Variants in ANK3 observed in about 807,000 individuals in gnomAD.
ANK3 encodes the protein ankyrin 3.
ANK3 carries 57 observed loss-of-function variants against 370.9 expected under a neutral mutation model. The observed-to-expected ratio is 0.15, with a 90% confidence interval of 0.12 to 0.19. ANK3 has a LOEUF of 0.19. Ranked by LOEUF, ANK3 falls within the 10% of genes least tolerant of loss-of-function variation. ANK3 has a pLI of 1.00. For synonymous variants in ANK3, 1,929 were observed against 1,946.3 expected, an observed-to-expected ratio of 0.99 and a Z score of 0.23; for missense variants, 4,439 against 5,302.1, an observed-to-expected ratio of 0.84 and a Z score of 5.06.
At chr10:60,408,871 A>G (rs72806162) in intron 2 of ANK3, among the ~76,000 whole-genome samples, 18,229 of 151,928 alleles carry the variant, frequency 0.12, 1,170 homozygotes, top group South Asian at 0.14. Flanking sequence ...TATGAACTCA[A>G]CTCCTTCTGA....
intron 1 of ANK3, among the ~76,000 whole-genome samples, chr10:60,633,924 A>G (rs1191480485): frequency 1.3e-5 from 2 of 152,222 alleles, no homozygotes; most frequent in African/African-American, 4.8e-5. Flanking sequence ...CCTTAGAGCC[A>G]AACACAAAAG....
chr10:60,137,256 C>T (rs572035803), intron 24 of ANK3: 103 of 277,216 alleles, frequency 3.7e-4, no homozygotes, highest in African/African-American at 2.2e-3. Flanking sequence ...CACAGCACAT[C>T]ACATTACAAT....
chr10:60,667,162 TTTATA>T (rs1448365567), intron 1 of ANK3, among the ~76,000 whole-genome samples: 23 of 127,732 alleles, frequency 1.8e-4, no homozygotes, highest in African/African-American at 4.6e-4. Flanking sequence ...GTGGTAAAAC[TTTATA>T]TTATATTATA....
intron 2 of ANK3, among the ~76,000 whole-genome samples, chr10:60,415,916 G>GCTCCCCC (rs1567021998): frequency 1.2e-5 from 1 of 81,190 alleles, no homozygotes; most frequent in Non-Finnish European, 2.6e-5. Context: ...CTGAATTTGT[G>GCTCCCCC]CCCCCCACCC....
chr10:60,418,332 T>C (rs2063711397), intron 2 of ANK3, among the ~76,000 whole-genome samples: 1 of 152,152 alleles, frequency 6.6e-6, no homozygotes, highest in Non-Finnish European at 1.5e-5. Flanking sequence ...TTCCTATGTC[T>C]CGTTAGGTGG....
chr10:60,677,486 A>C (rs2079140122), intron 1 of ANK3, among the ~76,000 whole-genome samples: 1 of 132,622 alleles, frequency 7.5e-6, no homozygotes, highest in Admixed American at 7.3e-5. Flanking sequence ...CTGCAGAGAT[A>C]TAACTTTTTA....
chr10:60,284,571 A>T (rs1245938209), intron 1 of ANK3, among the ~76,000 whole-genome samples: 2 of 152,162 alleles, frequency 1.3e-5, no homozygotes, highest in Admixed American at 6.5e-5. Flanking sequence ...TTCTTAGCTC[A>T]TTCATTCATT....
chr10:60,534,028 C>A lies in ANK3; in HGVS notation c.96+81158G>T, dbSNP rs139350402. The stretch of plus-strand genomic sequence containing the variant: ...CACACCTGAGGATTTATGACACAAC[C>A]TTTTCACTACGGAAGTGATTCTCAG... On this transcript the variant is annotated intron_variant, in intron 2 of 43. Coordinates refer to the ANK3 transcript ENST00000373827. Among the ~76,000 whole-genome samples, 65 of 152,194 alleles carry A rather than the reference C, an allele frequency of 4.3e-4. No individual in the cohort carries two copies. The East Asian group carries it at 7.7e-3, about 18-fold the overall frequency.
At chr10:60,587,550 G>C (rs2077849570) in intron 2 of ANK3, among the ~76,000 whole-genome samples, 2 of 152,140 alleles carry the variant, frequency 1.3e-5, no homozygotes, top group African/African-American at 4.8e-5. Context: ...CAAGGAAGCT[G>C]TCAAAATCCA....
chr10:60,347,733 C>T (rs1018371119), intron 1 of ANK3, among the ~76,000 whole-genome samples: 5 of 152,062 alleles, frequency 3.3e-5, no homozygotes, highest in Non-Finnish European at 7.4e-5. Flanking sequence ...AGAGGTGTAC[C>T]TTAAATCAAT....
intron 1 of ANK3, among the ~76,000 whole-genome samples, chr10:60,321,509 C>A (rs1371460821): frequency 6.6e-6 from 1 of 152,066 alleles, no homozygotes; most frequent in African/African-American, 2.4e-5. Flanking sequence ...TGGACATGAC[C>A]CAAACGGAAA....
At chr10:60,135,474 T>C (rs1249169153) in intron 24 of ANK3, among the ~76,000 whole-genome samples, 1 of 152,242 alleles carries the variant, frequency 6.6e-6, no homozygotes, top group Non-Finnish European at 1.5e-5. Context: ...GGGTATCCCA[T>C]AACTAGCATT....
chr10:60,544,634 T>C (rs1177538598), intron 2 of ANK3, among the ~76,000 whole-genome samples: 1 of 152,094 alleles, frequency 6.6e-6, no homozygotes, highest in Admixed American at 6.6e-5. Flanking sequence ...CACTCTAAAG[T>C]GACAGATTTA....
chr10:60,058,257 T>A (rs2079592323), intron 41 of ANK3, among the ~76,000 whole-genome samples: 1 of 152,206 alleles, frequency 6.6e-6, no homozygotes, highest in South Asian at 2.1e-4. Flanking sequence ...AATCACAAAC[T>A]ACATTCCTAA....
intron 2 of ANK3, among the ~76,000 whole-genome samples, chr10:60,440,521 C>T (rs1053511027): frequency 6.6e-6 from 1 of 152,092 alleles, no homozygotes; most frequent in Admixed American, 6.6e-5. Flanking sequence ...ATCATAAGAA[C>T]AGCATGGGGG....
chr10:60,319,095 G>A (rs2048080251), intron 1 of ANK3, among the ~76,000 whole-genome samples: 1 of 152,102 alleles, frequency 6.6e-6, no homozygotes, highest in African/African-American at 2.4e-5. Flanking sequence ...CATTGTTGTT[G>A]CAAATGATTA....
chr10:60,257,847 A>G (rs1044583800), intron 7 of ANK3, among the ~76,000 whole-genome samples: 2 of 152,204 alleles, frequency 1.3e-5, no homozygotes, highest in African/African-American at 4.8e-5. Context: ...ATCAAAACAG[A>G]AAGTGCTAAA....
At chr10:60,051,570 T>C in intron 42 of ANK3, 2 of 983,792 alleles carry the variant, frequency 2.0e-6, no homozygotes, top group Non-Finnish European at 1.2e-6. Context: ...TCCTGACAAA[T>C]GCATTTTTAG....
chr10:60,211,936 A>AT (rs2096863491), intron 9 of ANK3, among the ~76,000 whole-genome samples: 1 of 151,610 alleles, frequency 6.6e-6, no homozygotes, highest in Non-Finnish European at 1.5e-5. Context: ...AATCTGAGGA[A>AT]TTAGGGACAT....
Sources: allele counts gnomAD v4.1 joint callset (sites outside exome capture counted in the v4.1 genomes callset), GRCh38; gene constraint gnomAD v4.1.1; transcripts MANE v1.5; gene names NCBI Gene and HGNC (gene_info 2026-07-23, HGNC 2026-07-21).